The following HCRTR2 variants were observed in gnomAD, a reference collection of about 807,000 sequenced individuals.
HCRTR2 encodes hypocretin receptor 2.
A neutral mutation model predicts 49.0 loss-of-function variants in HCRTR2; 22 were observed. The ratio of observed to expected loss-of-function variants is 0.45; its 90% CI spans 0.32 to 0.64. The LOEUF is 0.64. Among genes scored for constraint, HCRTR2 ranks in the 30% least tolerant of loss-of-function variants. HCRTR2 has a pLI of 0.04. For synonymous variants in HCRTR2, 236 were observed against 205.3 expected (o/e 1.15, Z -1.28); for missense variants, 491 against 559.4 (o/e 0.88, Z 1.23).
chr6:55,277,702 T>C (rs1394953355), intron 5 of HCRTR2, 102 bp downstream of exon 5: 4 of 883,216 alleles, frequency 4.5e-6, no homozygotes, highest in Non-Finnish European at 7.2e-6. Context: ...AATCTAAACT[T>C]TCTGCTTAGA....
At chr6:55,134,749 G>A (rs761604807) in intron 1 of HCRTR2, among the ~76,000 whole-genome samples, 2 of 151,832 alleles carry the variant, frequency 1.3e-5, no homozygotes, top group African/African-American at 2.4e-5. Context: ...GCTGTGTCTG[G>A]CTTATTTCAT....
chr6:55,266,287 TACTAAGATA>T (rs1333490115), intron 4 of HCRTR2, among the ~76,000 whole-genome samples: 1 of 152,204 alleles, frequency 6.6e-6, no homozygotes, highest in East Asian at 1.9e-4. Context: ...TCTTCTACTC[TACTAAGATA>T]AAGATAGTCT....
At chr6:55,196,131 C>T (rs1765405482) in intron 1 of HCRTR2, among the ~76,000 whole-genome samples, 1 of 152,124 alleles carries the variant, frequency 6.6e-6, no homozygotes, top group African/African-American at 2.4e-5. Flanking sequence ...TTTCTGTCTT[C>T]CCAACAACTA....
chr6:55,227,549 A>T (rs1229212173), intron 1 of HCRTR2, among the ~76,000 whole-genome samples: 3 of 152,230 alleles, frequency 2.0e-5, no homozygotes, highest in Non-Finnish European at 4.4e-5. Context: ...TGCATTAAAG[A>T]TTATTCCTGT....
chr6:55,137,457 T>A (rs1199460828), intron 1 of HCRTR2, among the ~76,000 whole-genome samples: 6 of 152,188 alleles, frequency 3.9e-5, no homozygotes, highest in Admixed American at 3.3e-4. Context: ...TGCTTTTAGT[T>A]AATTAATTAA....
chr6:55,166,153 C>T (rs962872763), intron 1 of HCRTR2, among the ~76,000 whole-genome samples: 1 of 152,026 alleles, frequency 6.6e-6, no homozygotes, highest in African/African-American at 2.4e-5. Context: ...ATTGAATCAT[C>T]CTTCCACCCC....
intron 1 of HCRTR2, among the ~76,000 whole-genome samples, chr6:55,192,110 T>G (rs1382662722): frequency 6.6e-6 from 1 of 152,180 alleles, no homozygotes; most frequent in East Asian, 1.9e-4. Context: ...TAAAATCCTG[T>G]GTATACTCAT....
At chr6:55,283,216 T>G (rs1348546576), downstream of HCRTR2, among the ~76,000 whole-genome samples, 3 of 152,182 alleles carry the variant, frequency 2.0e-5, no homozygotes, top group Non-Finnish European at 4.4e-5. Flanking sequence ...CTTGCTGGAT[T>G]AAATTAAAAA....
At chr6:55,209,451 T>C (rs536939387) in intron 1 of HCRTR2, among the ~76,000 whole-genome samples, 2 of 152,188 alleles carry the variant, frequency 1.3e-5, no homozygotes, top group Non-Finnish European at 2.9e-5. Flanking sequence ...CCCCATAAGC[T>C]GATCTCAGAA....
chr6:55,146,372 C>G (rs962425748), intron 1 of HCRTR2, among the ~76,000 whole-genome samples: 3 of 152,052 alleles, frequency 2.0e-5, no homozygotes, highest in Admixed American at 2.0e-4. Flanking sequence ...ATTCTTATTA[C>G]TGTACTAAAA....
intron 4 of HCRTR2, among the ~76,000 whole-genome samples, chr6:55,270,633 G>T (rs1766954856): frequency 6.6e-6 from 1 of 152,114 alleles, no homozygotes; most frequent in Non-Finnish European, 1.5e-5. Context: ...CAAAAACTTT[G>T]TTTCATGCCC....
intron 1 of HCRTR2, among the ~76,000 whole-genome samples, chr6:55,135,031 A>G (rs1431170447): frequency 6.6e-6 from 1 of 152,044 alleles, no homozygotes; most frequent in Non-Finnish European, 1.5e-5. Context: ...TTCAACAAGG[A>G]TGAAGAAAGC....
intron 3 of HCRTR2, 82 bp downstream of exon 3, chr6:55,255,461 T>A: frequency 6.7e-7 from 1 of 1,492,446 alleles, no homozygotes; most frequent in South Asian, 1.1e-5. Context: ...ATTGTAAAGC[T>A]GGGCTTATAT....
chr6:55,195,997 CA>C (rs1765402979), intron 1 of HCRTR2, among the ~76,000 whole-genome samples: 2 of 151,704 alleles, frequency 1.3e-5, no homozygotes, highest in Admixed American at 6.6e-5. Flanking sequence ...ACAACAACAA[CA>C]AAAACAAAAA....
intron 1 of HCRTR2, among the ~76,000 whole-genome samples, chr6:55,154,816 T>C (rs1581797667): frequency 6.6e-6 from 1 of 151,666 alleles, no homozygotes; most frequent in Admixed American, 6.6e-5. Context: ...CCTTAAAGAT[T>C]CCACAAAAAC....
At chr6:55,121,749 A>G (rs1269827623) in intron 1 of HCRTR2, among the ~76,000 whole-genome samples, 5 of 152,038 alleles carry the variant, frequency 3.3e-5, no homozygotes, top group Admixed American at 6.6e-5. Flanking sequence ...TTCTGTTTAT[A>G]TGCTGGATTA....
chr6:55,207,144 G>A (rs544909814), intron 1 of HCRTR2, among the ~76,000 whole-genome samples: 48 of 152,086 alleles, frequency 3.2e-4, no homozygotes, highest in South Asian at 2.5e-3. Flanking sequence ...ATGGAGTCTC[G>A]TTGCTATGCA....
chr6:55,259,700 C>T (rs2127319927), intron 3 of HCRTR2, among the ~76,000 whole-genome samples: 1 of 151,752 alleles, frequency 6.6e-6, no homozygotes, highest in Admixed American at 6.6e-5. Flanking sequence ...GCTTATTCAT[C>T]AGTTGAGTAA....
chr6:55,144,737 G>A (rs1467910460), intron 1 of HCRTR2, among the ~76,000 whole-genome samples: 1 of 152,058 alleles, frequency 6.6e-6, no homozygotes, highest in African/African-American at 2.4e-5. Flanking sequence ...AGGATCTTTG[G>A]CTCAGGACCT....
Sources: gnomAD v4.1 joint callset for allele counts (sites outside exome capture counted in the v4.1 genomes callset) on GRCh38, gnomAD v4.1.1 for gene constraint, MANE v1.5 for transcripts, NCBI Gene and HGNC (gene_info 2026-07-23, HGNC 2026-07-21) for gene names.